PLXDC2: variants seen among roughly 807,000 people sequenced by gnomAD.
The protein encoded by PLXDC2 is plexin domain containing 2, also known as plexin domain-containing protein 2.
Under a neutral mutation model 68.9 loss-of-function variants are expected in PLXDC2, and 40 were observed. The ratio of observed to expected loss-of-function variants is 0.58; its 90% CI spans 0.45 to 0.76. The LOEUF is 0.76. Ranked by LOEUF, PLXDC2 falls within the 30% of genes least tolerant of loss-of-function variation. The probability of loss-of-function intolerance (pLI) is 0.00; values close to 1 mark genes in which losing one functional copy is unlikely to be tolerated. For synonymous variants in PLXDC2, 243 were observed against 234.2 expected (o/e 1.04, Z -0.34); for missense variants, 644 against 661.9 (o/e 0.97, Z 0.30).
chr10:19,876,022 C>T (rs746844998), intron 1 of PLXDC2, among the ~76,000 whole-genome samples: 7 of 152,038 alleles, frequency 4.6e-5, no homozygotes, highest in Non-Finnish European at 1.0e-4. Flanking sequence ...TTTCTTCAGA[C>T]GGACTCCACA....
intron 1 of PLXDC2, among the ~76,000 whole-genome samples, chr10:19,964,073 T>A (rs956591132): frequency 4.7e-4 from 72 of 152,196 alleles, no homozygotes; most frequent in African/African-American, 1.5e-3. Flanking sequence ...ATAAGCAATG[T>A]TCTGCCAGTG....
rs541391611 is a variant in PLXDC2, at chr10:20,108,309, A to C, written c.542-34986A>C. On this transcript the variant is annotated intron_variant, in intron 4 of 13. Transcript: ENST00000377252. ...TTCTCAGATAAGCCTGGGGATTACC[A>C]CATACCAATTTTCCTTCTTGGAAAT... is the stretch of plus-strand genomic sequence containing the variant. Among the ~76,000 whole-genome samples, 259 of 152,312 alleles carry C rather than the reference A, an allele frequency of 1.7e-3. 1 individual carries two copies. Among genetic ancestry groups the C allele is most frequent in the African/African-American group, 5.2e-3 (215 of 41,580 alleles).
chr10:20,255,246 A>C (rs899578670), intron 13 of PLXDC2, among the ~76,000 whole-genome samples: 20 of 152,130 alleles, frequency 1.3e-4, no homozygotes, highest in African/African-American at 4.8e-4. Flanking sequence ...CCACAGAAAG[A>C]TTCTTAATAG....
intron 2 of PLXDC2, among the ~76,000 whole-genome samples, chr10:20,008,510 G>T (rs1252522385): frequency 6.6e-6 from 1 of 152,190 alleles, no homozygotes; most frequent in Non-Finnish European, 1.5e-5. Flanking sequence ...CCGAGATCGT[G>T]TCATGACACT....
chr10:20,012,303 C>CTCTTTTTTT (rs1835129350), intron 2 of PLXDC2, among the ~76,000 whole-genome samples: 13 of 65,594 alleles, frequency 2.0e-4, no homozygotes, highest in African/African-American at 9.9e-4. Flanking sequence ...CTCTCTCTCT[C>CTCTTTTTTT]TTTTTTATTT....
chr10:20,198,258 G>C (rs182011260), intron 9 of PLXDC2, among the ~76,000 whole-genome samples: 40 of 152,160 alleles, frequency 2.6e-4, no homozygotes, highest in Non-Finnish European at 5.4e-4. Context: ...TTGTAGAAAG[G>C]CAATGCAAAA....
intron 5 of PLXDC2, among the ~76,000 whole-genome samples, chr10:20,146,428 T>C (rs1485301861): frequency 6.6e-6 from 1 of 150,980 alleles, no homozygotes; most frequent in African/African-American, 2.4e-5. Context: ...TTTCTTTCTT[T>C]CTTTTTCTTT....
intron 1 of PLXDC2, among the ~76,000 whole-genome samples, chr10:19,955,467 C>T (rs1321265151): frequency 1.3e-5 from 2 of 152,064 alleles, no homozygotes; most frequent in Non-Finnish European, 2.9e-5. Context: ...ATTCTCTAAC[C>T]AGTGCTATCC....
intron 13 of PLXDC2, among the ~76,000 whole-genome samples, chr10:20,278,192 C>T (rs1321155676): frequency 6.6e-6 from 1 of 152,074 alleles, no homozygotes; most frequent in Non-Finnish European, 1.5e-5. Flanking sequence ...CAGGGTTGTT[C>T]TTGCTACCAA....
At chr10:20,135,480 A>G (rs935249397) in intron 4 of PLXDC2, among the ~76,000 whole-genome samples, 3 of 152,200 alleles carry the variant, frequency 2.0e-5, no homozygotes, top group Non-Finnish European at 4.4e-5. Flanking sequence ...GAGGAACAAG[A>G]TGGAGGAAAC....
intron 1 of PLXDC2, among the ~76,000 whole-genome samples, chr10:19,874,391 G>C (rs1428466505): frequency 1.3e-5 from 2 of 152,160 alleles, no homozygotes; most frequent in Admixed American, 1.3e-4. Flanking sequence ...TCTAGAAATA[G>C]AGTCTTCCTA....
rs548566481 is a variant in PLXDC2 at position 20,157,788 on chromosome 10, A to G, written c.784-6680A>G. Among the ~76,000 whole-genome samples, 82 of 152,338 alleles carry G rather than the reference A, an allele frequency of 5.4e-4. 1 individual carries two copies. The highest frequency in any genetic ancestry group is 1.9e-3 in the African/African-American group (79 of 41,572). On this transcript the variant is annotated intron_variant, in intron 6 of 13. Transcript: ENST00000377252. Reference sequence around the variant, plus strand: ...TGTTATAGAAAAATGTATACCAAGTAATAAACCTATCTCTATCTTGTTATA... The same window carrying G: ...TGTTATAGAAAAATGTATACCAAGTGATAAACCTATCTCTATCTTGTTATA...
intron 1 of PLXDC2, among the ~76,000 whole-genome samples, chr10:19,979,137 C>G (rs1834506265): frequency 1.3e-5 from 2 of 152,110 alleles, no homozygotes; most frequent in African/African-American, 2.4e-5. Context: ...CATTCATAAA[C>G]TTCATTTGCT....
At chr10:19,960,940 C>T (rs749093226) in intron 1 of PLXDC2, among the ~76,000 whole-genome samples, 6 of 152,170 alleles carry the variant, frequency 3.9e-5, no homozygotes, top group African/African-American at 1.2e-4. Context: ...GTTGTTTTAG[C>T]GCCTCAGGAA....
At chr10:20,136,274 C>T (rs1019613494) in intron 4 of PLXDC2, among the ~76,000 whole-genome samples, 1 of 152,198 alleles carries the variant, frequency 6.6e-6, no homozygotes, top group Non-Finnish European at 1.5e-5. Context: ...CAGACAGTTA[C>T]ATTACCAAAT....
At chr10:19,828,512 A>G (rs1195115612) in intron 1 of PLXDC2, among the ~76,000 whole-genome samples, 2 of 152,238 alleles carry the variant, frequency 1.3e-5, no homozygotes, top group Non-Finnish European at 2.9e-5. Flanking sequence ...TTTTTTAATC[A>G]GGAGTACATG....
intron 4 of PLXDC2, among the ~76,000 whole-genome samples, chr10:20,109,038 A>C (rs528332659): frequency 3.3e-5 from 5 of 152,334 alleles, no homozygotes; most frequent in African/African-American, 9.6e-5. Context: ...GATCTTGCCT[A>C]ATACTGGGAC....
At position 20,001,931 on chromosome 10, in the gene PLXDC2, G is replaced by A. The variant is rs1190759130; in HGVS notation, c.269G>A (p.Arg90Lys). The A allele has an allele frequency of 6.2e-7, 1 of 1,613,246 alleles. No homozygotes were observed. Among genetic ancestry groups the A allele is most frequent in the Non-Finnish European group, 8.5e-7 (1 of 1,179,974 alleles). The change falls in exon 2 of 14, where the codon AGA becomes AAA. Residue 90 changes from arginine to lysine, a missense_variant. This residue lies in a region of PLXDC2 where 201 missense variants were observed against 166.9 expected (regional missense o/e 1.20). Coordinates refer to ENST00000377252, the MANE Select transcript of PLXDC2 (RefSeq NM_032812.9). ...ASVGQDSPEPRSFTDLLLDDG... is the reference protein window; with the variant it reads ...ASVGQDSPEPKSFTDLLLDDG... ...GTCGGCCAAGACTCTCCTGAGCCCAGAAGCTTCACAGACCTGCTGCTGGAT... is the reference window on the plus strand; with the variant it reads ...GTCGGCCAAGACTCTCCTGAGCCCAAAAGCTTCACAGACCTGCTGCTGGAT...
At chr10:19,898,421 A>C in intron 1 of PLXDC2, among the ~76,000 whole-genome samples, 1 of 152,210 alleles carries the variant, frequency 6.6e-6, no homozygotes, top group East Asian at 1.9e-4. Context: ...AGTGTCTGGA[A>C]ACGTTAAAAC....
Sources: allele counts gnomAD v4.1 joint callset (sites outside exome capture counted in the v4.1 genomes callset), GRCh38; gene constraint gnomAD v4.1.1; regional missense constraint gnomAD v4.1.1; transcripts MANE v1.5; gene names NCBI Gene and HGNC (gene_info 2026-07-23, HGNC 2026-07-21).